ZNF385D: variants seen among roughly 807,000 people sequenced by gnomAD.
ZNF385D encodes the protein zinc finger protein 659.
In ZNF385D, 15 loss-of-function variants were observed where a neutral mutation model predicts 35.8. The observed-to-expected ratio is 0.42, with a 90% CI of 0.28 to 0.64. The LOEUF is 0.64. Among genes scored for constraint, ZNF385D ranks in the 30% least tolerant of loss-of-function variants. The pLI is 0.23. For synonymous variants in ZNF385D, 212 were observed against 186.8 expected, an observed-to-expected ratio of 1.13 and a Z score of -1.10; for missense variants, 474 against 494.6, an observed-to-expected ratio of 0.96 and a Z score of 0.39.
At chr3:22,044,943 C>T (rs967872168) in intron 3 of ZNF385D, among the ~76,000 whole-genome samples, 8 of 151,938 alleles carry the variant, frequency 5.3e-5, no homozygotes, top group African/African-American at 1.9e-4. Flanking sequence ...CGGAGAGGTA[C>T]ATAAAAAAAG....
At chr3:21,731,573 T>C (rs1025018699) in intron 1 of ZNF385D, among the ~76,000 whole-genome samples, 1 of 152,180 alleles carries the variant, frequency 6.6e-6, no homozygotes, top group Non-Finnish European at 1.5e-5. Flanking sequence ...TTATGTAGGT[T>C]TGGACAAATG....
At chr3:21,957,836 T>C in intron 3 of ZNF385D, among the ~76,000 whole-genome samples, 1 of 152,146 alleles carries the variant, frequency 6.6e-6, no homozygotes, top group East Asian at 1.9e-4. Flanking sequence ...GCCCATAGGT[T>C]CTCTCTCCAA....
intron 2 of ZNF385D, among the ~76,000 whole-genome samples, chr3:21,629,132 C>T (rs2065213335): frequency 6.6e-6 from 1 of 152,088 alleles, no homozygotes; most frequent in African/African-American, 2.4e-5. Context: ...TGTTCCCAGT[C>T]AACTCTGGGA....
At chr3:22,039,557 A>G (rs948374932) in intron 3 of ZNF385D, among the ~76,000 whole-genome samples, 2 of 152,128 alleles carry the variant, frequency 1.3e-5, no homozygotes, top group Admixed American at 6.6e-5. Context: ...CAAGTCTAGT[A>G]TATTACTTTG....
intron 3 of ZNF385D, among the ~76,000 whole-genome samples, chr3:22,148,353 A>T (rs1052395553): frequency 6.6e-6 from 1 of 152,182 alleles, no homozygotes; most frequent in Admixed American, 6.5e-5. Flanking sequence ...ATCTGTAAAC[A>T]CTTACCTGTG....
intron 3 of ZNF385D, among the ~76,000 whole-genome samples, chr3:21,560,979 G>C (rs1289983745): frequency 6.6e-6 from 1 of 152,100 alleles, no homozygotes; most frequent in Non-Finnish European, 1.5e-5. Context: ...CTTCAGCAAT[G>C]GTGGACACCC....
intron 3 of ZNF385D, among the ~76,000 whole-genome samples, chr3:21,802,183 T>C (rs1248470430): frequency 1.3e-5 from 2 of 152,150 alleles, no homozygotes; most frequent in African/African-American, 4.8e-5. Context: ...TTAGCTAATG[T>C]AGATTGCAAT....
intron 3 of ZNF385D, among the ~76,000 whole-genome samples, chr3:22,003,978 A>C (rs548217044): frequency 1.3e-5 from 2 of 152,322 alleles, no homozygotes; most frequent in African/African-American, 4.8e-5. Flanking sequence ...TGGAGGCATC[A>C]TACTATCTGA....
chr3:21,456,778 C>T (rs1461262509), intron 4 of ZNF385D, among the ~76,000 whole-genome samples: 1 of 151,918 alleles, frequency 6.6e-6, no homozygotes, highest in Non-Finnish European at 1.5e-5. Context: ...TTTGAGTTTC[C>T]TCTGCCATCT....
chr3:21,844,544 A>C (rs2125793991), intron 3 of ZNF385D, among the ~76,000 whole-genome samples: 1 of 152,098 alleles, frequency 6.6e-6, no homozygotes, highest in East Asian at 1.9e-4. Flanking sequence ...TGATTACAAA[A>C]ATCAAATAGG....
At chr3:21,763,971 G>C (rs1017828268) in intron 3 of ZNF385D, among the ~76,000 whole-genome samples, 1 of 152,150 alleles carries the variant, frequency 6.6e-6, no homozygotes, top group Non-Finnish European at 1.5e-5. Context: ...GCCTCCTGGA[G>C]CTTACAGTTT....
chr3:21,549,884 C>T (rs563866810), intron 3 of ZNF385D, among the ~76,000 whole-genome samples: 4 of 152,226 alleles, frequency 2.6e-5, no homozygotes, highest in Non-Finnish European at 4.4e-5. Context: ...GCAGCGGCAA[C>T]AACATACTTA....
chr3:22,007,576 T>C (rs1217799660), intron 3 of ZNF385D, among the ~76,000 whole-genome samples: 1 of 152,168 alleles, frequency 6.6e-6, no homozygotes, highest in Non-Finnish European at 1.5e-5. Context: ...AAATTCCTCC[T>C]GAGAGGGGTT....
intron 2 of ZNF385D, among the ~76,000 whole-genome samples, chr3:22,213,183 G>C (rs115446509): frequency 0.02 from 3,035 of 152,146 alleles, 59 homozygotes; most frequent in South Asian, 0.11. Flanking sequence ...TAATGTCATA[G>C]TTTGGCTTAG....
At chr3:22,209,649 C>A (rs1441258338) in intron 2 of ZNF385D, among the ~76,000 whole-genome samples, 1 of 151,670 alleles carries the variant, frequency 6.6e-6, no homozygotes, top group Non-Finnish European at 1.5e-5. Flanking sequence ...TACCTTTATT[C>A]TTTTGCATTT....
At chr3:21,854,067 C>T (rs1474304689) in intron 3 of ZNF385D, among the ~76,000 whole-genome samples, 1 of 151,814 alleles carries the variant, frequency 6.6e-6, no homozygotes, top group East Asian at 1.9e-4. Context: ...AAGGTTTGTA[C>T]ATTTTGGAAA....
At chr3:22,311,441 T>C (rs9310690) in intron 2 of ZNF385D, among the ~76,000 whole-genome samples, 4,617 of 152,122 alleles carry the variant, frequency 0.03, 245 homozygotes, top group African/African-American at 0.1. Context: ...TGTGTTTTCG[T>C]TCCTAGTACA....
intron 4 of ZNF385D, among the ~76,000 whole-genome samples, chr3:21,458,068 AT>A (rs1702930714): frequency 6.6e-6 from 1 of 152,282 alleles, no homozygotes; most frequent in Admixed American, 6.5e-5. Flanking sequence ...GCTGAAAAAA[AT>A]ATTGAGATTA....
At chr3:22,127,731 T>G (rs1409323767) in intron 3 of ZNF385D, among the ~76,000 whole-genome samples, 2 of 152,142 alleles carry the variant, frequency 1.3e-5, no homozygotes, top group African/African-American at 4.8e-5. Context: ...TAACTCTGAT[T>G]GCAAAAACAA....
Sources: allele counts gnomAD v4.1 joint callset (sites outside exome capture counted in the v4.1 genomes callset), GRCh38; gene constraint gnomAD v4.1.1; transcripts MANE v1.5; gene names NCBI Gene and HGNC (gene_info 2026-07-23, HGNC 2026-07-21).